Variants in PPP6C observed in about 807,000 individuals in gnomAD.
The protein encoded by PPP6C is serine/threonine-protein phosphatase 6 catalytic subunit.
In PPP6C, 11 loss-of-function variants were observed where a neutral mutation model predicts 39.8. That is an observed-to-expected ratio of 0.28 (90% CI 0.17 to 0.46). PPP6C has a LOEUF of 0.46. Among genes scored for constraint, PPP6C ranks in the 20% least tolerant of loss-of-function variants. The pLI is 1.00. For missense variants in PPP6C, 211 were observed against 373.9 expected, an observed-to-expected ratio of 0.56 and a Z score of 3.59; for synonymous variants, 129 against 130.3, an observed-to-expected ratio of 0.99 and a Z score of 0.07.
chr9:125,174,460 C>T (rs1829251537), intron 1 of PPP6C, among the ~76,000 whole-genome samples: 1 of 150,032 alleles, frequency 6.7e-6, no homozygotes, highest in Non-Finnish European at 1.5e-5. Context: ...TAAAATAGCA[C>T]CTCAAAGGCA....
rs1484314414 is a variant in PPP6C at position 125,167,835 on chromosome 9, G to T, written c.171+3250C>A. Among the ~76,000 whole-genome samples, 126 of 50,754 alleles carry T rather than the reference G, an allele frequency of 2.5e-3. 1 individual carries two copies. Among genetic ancestry groups the T allele is most frequent in the Middle Eastern group, 9.6e-3 (1 of 104 alleles). 33.3% of individuals were successfully genotyped at this position (50,754 alleles called of 152,430 possible). A position where few individuals can be genotyped will look rare whatever the true frequency, so the allele number is the denominator to read the frequency against. On this transcript the variant is annotated intron_variant, in intron 2 of 6. Transcript: ENST00000373547. The stretch of plus-strand genomic sequence containing the variant: ...TGAGGTCAGGAGTTTGAGATGGGGG[G>T]GGGGGGGGGGGGTATCATTTGGTTG...
rs1014481959 is a variant in PPP6C, at chr9:125,149,894, T to C, written c.697A>G (p.Ile233Val). The C allele has an allele frequency of 6.2e-7, 1 of 1,614,038 alleles. No individual in the cohort carries two copies. The highest frequency in any genetic ancestry group is 8.5e-7 in the Non-Finnish European group (1 of 1,179,998). ...TGCACTAGTTGATGTGCTCTGCAGA[T>C]GAGTTTTAAGTTGTTGATATGAACA... The part of the protein sequence containing the change: ...EFVHINNLKL[I>V]CRAHQLVHEG... Residue 233 changes from isoleucine (I) to valine (V), a missense_variant, in exon 7 of 7, where the codon ATC becomes GTC. Transcript: ENST00000373547.
intron 2 of PPP6C, among the ~76,000 whole-genome samples, chr9:125,167,930 T>C (rs1330721205): frequency 6.6e-6 from 1 of 151,178 alleles, no homozygotes; most frequent in East Asian, 2.0e-4. Context: ...GCTGGGATTA[T>C]AGGCATGAGC....
intron 1 of PPP6C, among the ~76,000 whole-genome samples, chr9:125,188,524 G>A (rs1201532733): frequency 1.3e-5 from 2 of 152,042 alleles, no homozygotes; most frequent in African/African-American, 2.4e-5. Flanking sequence ...GGTGGCTCAC[G>A]CCTGTAATAC....
At chr9:125,183,935 A>G (rs1372840075) in intron 1 of PPP6C, among the ~76,000 whole-genome samples, 2 of 152,190 alleles carry the variant, frequency 1.3e-5, no homozygotes, top group African/African-American at 4.8e-5. Context: ...ACCCACAGGG[A>G]ACAGTACTCA....
chr9:125,184,899 G>A (rs1163481939), intron 1 of PPP6C, among the ~76,000 whole-genome samples: 1 of 149,490 alleles, frequency 6.7e-6, no homozygotes, highest in Non-Finnish European at 1.5e-5. Context: ...CCCAGGAGGT[G>A]GAGACTGCAG....
intron 6 of PPP6C, chr9:125,151,041 A>G: frequency 1.5e-6 from 2 of 1,371,586 alleles, no homozygotes; most frequent in Non-Finnish European, 2.1e-6. Flanking sequence ...ATGCTTCTCA[A>G]ATTCAGGGCT....
In PPP6C at chr9:125,160,921, C is replaced by T. The variant is rs952878747; in HGVS notation, c.172-15G>A. 2 of 1,546,330 alleles carry T rather than the reference C, an allele frequency of 1.3e-6. No individual in the cohort carries two copies. Among genetic ancestry groups the T allele is most frequent in the African/African-American group, 1.4e-5 (1 of 71,672 alleles). On this transcript the variant is annotated splice_polypyrimidine_tract_variant and intron_variant, in intron 2 of 6. Transcript: ENST00000373547. ...AGGTCATAAAACTATAAAAGAAATG[C>T]AATACATGCTGATTACAAATTCCTG...
chr9:125,184,679 C>T (rs1829488230), intron 1 of PPP6C, among the ~76,000 whole-genome samples: 1 of 151,830 alleles, frequency 6.6e-6, no homozygotes, highest in Non-Finnish European at 1.5e-5. Flanking sequence ...GTGGAAAACA[C>T]AAATAAGGAA....
chr9:125,173,605 A>C (rs944008732), intron 1 of PPP6C, among the ~76,000 whole-genome samples: 14 of 151,676 alleles, frequency 9.2e-5, no homozygotes, highest in Non-Finnish European at 1.8e-4. Context: ...ACAACAACAA[A>C]AAAGATGAGC....
chr9:125,188,907 C>G lies in PPP6C; in HGVS notation c.75+737G>C, dbSNP rs970676900. The G allele has an allele frequency of 1.9e-6, 3 of 1,547,158 alleles. No individual in the cohort carries two copies. In the African/African-American group the frequency reaches 4.1e-5, roughly 21 times the overall value. ...TACTCTTACTTGGACTCAGGAGTAA[C>G]AAGGAACTCACCTCCTTTAGAAAAC... On this transcript the variant is annotated intron_variant, in intron 1 of 6. Coordinates refer to ENST00000373547, the MANE Select transcript of PPP6C (RefSeq NM_002721.5).
Position 125,149,598 on chromosome 9 carries a change from T to C in PPP6C, c.*75A>G. The C allele has an allele frequency of 1.3e-6, 2 of 1,484,522 alleles. No individual in the cohort carries two copies. Among genetic ancestry groups the C allele is most frequent in the East Asian group, 2.3e-5 (1 of 43,790 alleles). The allele number at this position is 1,484,522 out of a possible 1,614,324, so 92.0% of individuals were successfully genotyped here. A position where few individuals can be genotyped will look rare whatever the true frequency, so the allele number is the denominator to read the frequency against. On this transcript the variant is annotated 3_prime_UTR_variant, in exon 7 of 7. Transcript: ENST00000373547. ...GCAGCAAAGTGCTCAATAAAAAGTA[T>C]ATTGTAGAGGGTAATACAAGAAAAT...
intron 2 of PPP6C, among the ~76,000 whole-genome samples, chr9:125,169,639 C>T (rs1371497881): frequency 1.3e-5 from 2 of 152,112 alleles, no homozygotes; most frequent in Admixed American, 1.3e-4. Flanking sequence ...GAAAACATGA[C>T]TTGGTTTATT....
intron 4 of PPP6C, among the ~76,000 whole-genome samples, chr9:125,157,564 CAT>C (rs757056158): frequency 1.2e-4 from 19 of 152,096 alleles, no homozygotes; most frequent in Admixed American, 5.9e-4. Flanking sequence ...CACACACACA[CAT>C]ACAAAATGGA....
chr9:125,151,150 T>A, intron 6 of PPP6C: 1 of 1,431,462 alleles, frequency 7.0e-7, no homozygotes, highest in Non-Finnish European at 9.9e-7. Flanking sequence ...TATTGTTTCA[T>A]CTGATGCTGG....
chr9:125,185,938 T>C (rs1262725581), intron 1 of PPP6C, among the ~76,000 whole-genome samples: 1 of 151,946 alleles, frequency 6.6e-6, no homozygotes, highest in African/African-American at 2.4e-5. Context: ...TGAGCCAAGC[T>C]CACGCCATTG....
intron 1 of PPP6C, among the ~76,000 whole-genome samples, chr9:125,181,147 G>T (rs1281276260): frequency 6.6e-6 from 1 of 152,006 alleles, no homozygotes; most frequent in Non-Finnish European, 1.5e-5. Context: ...CACTATAAAC[G>T]CTACGTGACT....
chr9:125,188,212 C>A (rs1436572638), intron 1 of PPP6C, among the ~76,000 whole-genome samples: 1 of 151,772 alleles, frequency 6.6e-6, no homozygotes, highest in East Asian at 1.9e-4. Flanking sequence ...GGTGAAACCC[C>A]GTCTCTACTA....
In PPP6C at chr9:125,171,156, G is replaced by C; in HGVS notation, c.100C>G (p.Leu34Val). The change falls in exon 2 of 7, where the codon CTC (leucine) becomes GTC (valine). Residue 34 changes from leucine (L) to valine (V), a missense_variant. This residue lies in a region of PPP6C where 168 missense variants were observed against 342.6 expected (regional missense o/e 0.49). Coordinates refer to ENST00000373547, the MANE Select transcript of PPP6C (RefSeq NM_002721.5). ...TGAACATTTGACTCTTCTAAGAGGA[G>C]GTCACAAACGTAGTCACATAGCCGC... is the stretch of plus-strand genomic sequence containing the variant. Reference protein sequence around the residue: ...LKRLCDYVCDLLLEESNVQPV... With the variant: ...LKRLCDYVCDVLLEESNVQPV... 1 of 1,598,014 alleles carries C rather than the reference G, an allele frequency of 6.3e-7. No individual in the cohort carries two copies. Among genetic ancestry groups the C allele is most frequent in the Non-Finnish European group, 8.6e-7 (1 of 1,168,156 alleles).
Sources: allele counts gnomAD v4.1 joint callset (sites outside exome capture counted in the v4.1 genomes callset), GRCh38; gene constraint gnomAD v4.1.1; regional missense constraint gnomAD v4.1.1; transcripts MANE v1.5; gene names NCBI Gene and HGNC (gene_info 2026-07-23, HGNC 2026-07-21).